BLTP3B: variants seen among roughly 807,000 people sequenced by gnomAD.
BLTP3B encodes UHRF1 (ICBP90) binding protein 1-like.
the BLTP3B span, among the ~76,000 whole-genome samples, chr12:100,049,857 C>T: frequency 6.6e-6 from 1 of 152,128 alleles, no homozygotes. Flanking sequence ...CACACATTCT[C>T]ATCCCATGGA....
the BLTP3B span, among the ~76,000 whole-genome samples, chr12:100,105,708 A>G: frequency 6.6e-6 from 1 of 152,206 alleles, no homozygotes; most frequent in African/African-American, 2.4e-5. Flanking sequence ...AAACGCTTCT[A>G]CACAACAAAA....
At chr12:100,131,841 G>T in the BLTP3B span, among the ~76,000 whole-genome samples, 1 of 152,208 alleles carries the variant, frequency 6.6e-6, no homozygotes, top group South Asian at 2.1e-4. Context: ...CCAGGCTGGA[G>T]TCCAGGGGCA....
At chr12:100,132,012 G>A in the BLTP3B span, among the ~76,000 whole-genome samples, 4 of 152,062 alleles carry the variant, frequency 2.6e-5, no homozygotes, top group South Asian at 6.2e-4. Context: ...GGCTGGTCTC[G>A]AACTCCTGAC....
At chr12:100,096,840 A>C in the BLTP3B span, among the ~76,000 whole-genome samples, 1 of 151,970 alleles carries the variant, frequency 6.6e-6, no homozygotes, top group Non-Finnish European at 1.5e-5. Context: ...AAATAAAAAT[A>C]AGGCAGAGGC....
chr12:100,048,270 T>C, the BLTP3B span: 2 of 1,448,784 alleles, frequency 1.4e-6, no homozygotes, highest in South Asian at 1.5e-5. Context: ...ATGTAGTACA[T>C]TAAAATAATA....
the BLTP3B span, among the ~76,000 whole-genome samples, chr12:100,047,296 G>C: frequency 6.6e-6 from 1 of 152,086 alleles, no homozygotes; most frequent in Non-Finnish European, 1.5e-5. Flanking sequence ...TCAGGAGTTT[G>C]AGACCAGCCT....
the BLTP3B span, among the ~76,000 whole-genome samples, chr12:100,090,299 T>C: frequency 6.6e-6 from 1 of 152,206 alleles, no homozygotes; most frequent in Non-Finnish European, 1.5e-5. Context: ...TGAGTTCAAA[T>C]ATTTTTCTCC....
At chr12:100,077,228 C>T in the BLTP3B span, among the ~76,000 whole-genome samples, 3 of 152,072 alleles carry the variant, frequency 2.0e-5, no homozygotes, top group African/African-American at 7.2e-5. Flanking sequence ...TTTAAATACA[C>T]AAATACCATT....
At chr12:100,057,763 T>C in the BLTP3B span, 2 of 1,572,280 alleles carry the variant, frequency 1.3e-6, no homozygotes, top group Non-Finnish European at 1.7e-6. Context: ...ACAAAATTAT[T>C]AGAAAATTAT....
the BLTP3B span, among the ~76,000 whole-genome samples, chr12:100,139,823 A>G: frequency 6.6e-6 from 1 of 152,338 alleles, no homozygotes; most frequent in East Asian, 1.9e-4. Flanking sequence ...AAAGAAATAA[A>G]TATGTACGAC....
the BLTP3B span, chr12:100,039,577 G>T: frequency 1.9e-6 from 3 of 1,596,380 alleles, no homozygotes; most frequent in Admixed American, 5.3e-5. Context: ...AGCTGAATCT[G>T]AATTAGGTTT....
At chr12:100,115,914 C>T in the BLTP3B span, among the ~76,000 whole-genome samples, 2 of 152,190 alleles carry the variant, frequency 1.3e-5, no homozygotes, top group African/African-American at 2.4e-5. Flanking sequence ...AGGTGGCTCA[C>T]GCCTGTAATC....
At chr12:100,128,271 A>G in the BLTP3B span, among the ~76,000 whole-genome samples, 2 of 152,152 alleles carry the variant, frequency 1.3e-5, no homozygotes, top group South Asian at 4.1e-4. Flanking sequence ...ATTTCCAAAC[A>G]GCTGGCAGGA....
At chr12:100,118,789 T>G in the BLTP3B span, among the ~76,000 whole-genome samples, 2 of 152,186 alleles carry the variant, frequency 1.3e-5, no homozygotes, top group Non-Finnish European at 2.9e-5. Context: ...TGTATGTAAA[T>G]TTCACTCAAT....
chr12:100,099,009 T>C, the BLTP3B span, among the ~76,000 whole-genome samples: 1 of 151,768 alleles, frequency 6.6e-6, no homozygotes, highest in Non-Finnish European at 1.5e-5. Context: ...ATTTTTTTTT[T>C]CCCTAAGAGT....
the BLTP3B span, among the ~76,000 whole-genome samples, chr12:100,052,323 G>A: frequency 6.6e-6 from 1 of 152,028 alleles, no homozygotes; most frequent in Non-Finnish European, 1.5e-5. Context: ...GATTACAGGC[G>A]TGAGCCACTG....
chr12:100,042,740 G>A, the BLTP3B span, among the ~76,000 whole-genome samples: 8 of 152,154 alleles, frequency 5.3e-5, no homozygotes, highest in Admixed American at 3.3e-4. Context: ...ACCTTGAGGC[G>A]TGAGCAAAAA....
the BLTP3B span, among the ~76,000 whole-genome samples, chr12:100,041,862 C>T: frequency 8.6e-5 from 13 of 151,936 alleles, no homozygotes; most frequent in African/African-American, 1.7e-4. Context: ...CATGATCTTG[C>T]GTATAGAAAA....
chr12:100,109,803 T>G, the BLTP3B span, among the ~76,000 whole-genome samples: 25 of 151,758 alleles, frequency 1.6e-4, no homozygotes, highest in South Asian at 5.2e-3. Context: ...ATAGTTAATG[T>G]AAGAGTGAGC....
Sources: gnomAD v4.1 joint callset for allele counts (sites outside exome capture counted in the v4.1 genomes callset) on GRCh38, gnomAD v4.1.1 for gene constraint, MANE v1.5 for transcripts, NCBI Gene and HGNC (gene_info 2026-07-23, HGNC 2026-07-21) for gene names.